ATF7: variants seen among roughly 807,000 people sequenced by gnomAD.
ATF7 encodes activating transcription factor 7.
In ATF7, 10 loss-of-function variants were observed where a neutral mutation model predicts 50.4. The ratio of observed to expected loss-of-function variants is 0.20; its 90% CI spans 0.12 to 0.34. The LOEUF (loss-of-function observed/expected upper bound fraction) is 0.34. Ranked by LOEUF, ATF7 falls within the 10% of genes least tolerant of loss-of-function variation. The probability of loss-of-function intolerance (pLI) is 1.00; values close to 1 mark genes in which losing one functional copy is unlikely to be tolerated. For synonymous variants in ATF7, 201 were observed against 226.4 expected, an observed-to-expected ratio of 0.89 and a Z score of 1.01; for missense variants, 465 against 613.9, an observed-to-expected ratio of 0.76 and a Z score of 2.56.
In ATF7 at chr12:53,534,615, G is replaced by C. The variant is rs1179904916; in HGVS notation, c.447C>G (p.Thr149=). 1 of 1,613,226 alleles carries C rather than the reference G, an allele frequency of 6.2e-7. No individual in the cohort carries two copies. The highest frequency in any genetic ancestry group is 1.3e-5 in the African/African-American group (1 of 74,882). ...KPVLISTPTP[T]IVRPGSLPLH... is the part of the protein sequence containing the mutation. Reference sequence around the variant, plus strand: ...GAGGCAGGGAGCCAGGACGTACAATGGTGGGTGTGGGGGTAGAGATCAGAA... The same window carrying C: ...GAGGCAGGGAGCCAGGACGTACAATCGTGGGTGTGGGGGTAGAGATCAGAA... The change falls in exon 6 of 12, where the codon ACC becomes ACG. Residue 149 remains threonine, a synonymous_variant. Coordinates refer to ENST00000420353, the MANE Select transcript of ATF7 (RefSeq NM_006856.3).
chr12:53,575,281 C>T (rs1221802343), intron 2 of ATF7, among the ~76,000 whole-genome samples: 1 of 152,168 alleles, frequency 6.6e-6, no homozygotes. Flanking sequence ...GTGGTGCACG[C>T]CTGTAATCCC....
intron 1 of ATF7, among the ~76,000 whole-genome samples, chr12:53,615,751 C>T (rs764681308): frequency 1.3e-5 from 2 of 151,960 alleles, no homozygotes; most frequent in East Asian, 1.9e-4. Flanking sequence ...AGGGGGTGTG[C>T]GTCTGTAGTC....
chr12:53,534,636 C>A lies in ATF7; in HGVS notation c.426G>T (p.Leu142=). ...CAATGGTGGGTGTGGGGGTAGAGAT[C>A]AGAACAGGCTTTGGGGTAACCTCCT... ...KEKEVTPKPV[L]ISTPTPTIVR... is the part of the protein sequence containing the mutation. Residue 142 remains leucine (L), a synonymous_variant, in exon 6 of 12, where the codon CTG becomes CTT. Coordinates refer to ENST00000420353, the MANE Select transcript of ATF7 (RefSeq NM_006856.3). 1 of 1,612,490 alleles carries A rather than the reference C, an allele frequency of 6.2e-7. No homozygotes were observed. The highest frequency in any genetic ancestry group is 8.5e-7 in the Non-Finnish European group (1 of 1,179,492).
At chr12:53,539,104 G>A (rs1480244459) in intron 4 of ATF7, among the ~76,000 whole-genome samples, 1 of 152,186 alleles carries the variant, frequency 6.6e-6, no homozygotes, top group Non-Finnish European at 1.5e-5. Context: ...CTCATTAAGG[G>A]GAAGTAAAGA....
At chr12:53,548,612 T>C (rs888061586) in intron 3 of ATF7, among the ~76,000 whole-genome samples, 1 of 152,170 alleles carries the variant, frequency 6.6e-6, no homozygotes, top group Non-Finnish European at 1.5e-5. Flanking sequence ...GGATTATAGG[T>C]GTCAGCCAGA....
chr12:53,587,366 C>CAAAAAAAA (rs55904354), intron 2 of ATF7, among the ~76,000 whole-genome samples: 35 of 62,292 alleles, frequency 5.6e-4, no homozygotes, highest in South Asian at 4.0e-3. Flanking sequence ...AATTCCGCAT[C>CAAAAAAAA]AAAAAAAAAA....
rs950092980 is a variant in ATF7, at chr12:53,559,143, G to A, written c.49-6506C>T. On this transcript the variant is annotated intron_variant, in intron 2 of 11. Transcript: ENST00000420353. ...ATTTAAAAAAAAAAAAAAAGGAATGGCCTGAAGAACACAGATGGTGGAAAC... is the reference window on the plus strand; with the variant it reads ...ATTTAAAAAAAAAAAAAAAGGAATGACCTGAAGAACACAGATGGTGGAAAC... 3.3e-5 allele frequency among the ~76,000 whole-genome samples: 5 copies of A among 151,858 alleles called. No homozygotes were observed. The South Asian group carries it at 1.0e-3, about 32-fold the overall frequency.
intron 2 of ATF7, among the ~76,000 whole-genome samples, chr12:53,586,980 G>A (rs1450943221): frequency 6.6e-6 from 1 of 152,172 alleles, no homozygotes; most frequent in Non-Finnish European, 1.5e-5. Flanking sequence ...GGTAAGAGGT[G>A]GAAAAGACAA....
At chr12:53,619,402 C>A (rs1175717931) in intron 1 of ATF7, among the ~76,000 whole-genome samples, 1 of 150,410 alleles carries the variant, frequency 6.6e-6, no homozygotes, top group African/African-American at 2.5e-5. Flanking sequence ...GGGGAGAACT[C>A]CTTGAACCCA....
At chr12:53,586,492 A>G (rs913365367) in intron 2 of ATF7, among the ~76,000 whole-genome samples, 1 of 152,130 alleles carries the variant, frequency 6.6e-6, no homozygotes, top group African/African-American at 2.4e-5. Context: ...AACTCCAGGT[A>G]TGTACTACAA....
chr12:53,587,504 T>C (rs926341218), intron 2 of ATF7, among the ~76,000 whole-genome samples: 6 of 150,654 alleles, frequency 4.0e-5, no homozygotes, highest in African/African-American at 1.5e-4. Context: ...TGAAACCCCA[T>C]CTCTACCAAA....
At chr12:53,533,305 C>T in intron 6 of ATF7, 46 bp from the exon 7 acceptor site, 2 of 1,448,008 alleles carry the variant, frequency 1.4e-6, no homozygotes, top group East Asian at 2.3e-5. Context: ...GACCTTTTGT[C>T]CATGGATCTT....
At chr12:53,582,774 A>G (rs1942498276) in intron 2 of ATF7, among the ~76,000 whole-genome samples, 1 of 151,960 alleles carries the variant, frequency 6.6e-6, no homozygotes, top group Non-Finnish European at 1.5e-5. Context: ...ATTAGTAGAG[A>G]CGGGATTTCA....
downstream of ATF7, among the ~76,000 whole-genome samples, chr12:53,511,167 G>C (rs1000415384): frequency 1.3e-5 from 2 of 152,020 alleles, no homozygotes; most frequent in African/African-American, 4.8e-5. Flanking sequence ...GGAATATACA[G>C]ATGCAATAAA....
intron 5 of ATF7, among the ~76,000 whole-genome samples, chr12:53,536,640 C>T (rs960380272): frequency 4.6e-5 from 7 of 151,666 alleles, no homozygotes; most frequent in Non-Finnish European, 8.8e-5. Context: ...GTAACCCTAG[C>T]ACTTTGGGAG....
chr12:53,559,206 A>G (rs1940933407), intron 2 of ATF7, among the ~76,000 whole-genome samples: 1 of 150,904 alleles, frequency 6.6e-6, no homozygotes, highest in Non-Finnish European at 1.5e-5. Context: ...TAAAGTCTTA[A>G]GATTTTTTTA....
intron 4 of ATF7, among the ~76,000 whole-genome samples, chr12:53,541,838 T>C (rs1229941517): frequency 6.6e-6 from 1 of 152,200 alleles, no homozygotes; most frequent in African/African-American, 2.4e-5. Flanking sequence ...TTTCTTGTTT[T>C]TGAGACAAAG....
chr12:53,531,740 T>C lies in ATF7; in HGVS notation c.927+4A>G, dbSNP rs920835910. Reference sequence around the variant, plus strand: ...ATATGACATAAAGAGTAAGAGCCACTGACCTGTGGCTGGGCAGGGGATGGG... The same window carrying C: ...ATATGACATAAAGAGTAAGAGCCACCGACCTGTGGCTGGGCAGGGGATGGG... On this transcript the variant is annotated splice_donor_region_variant and intron_variant, in intron 9 of 11. Coordinates refer to ENST00000420353, the MANE Select transcript of ATF7 (RefSeq NM_006856.3). 12 of 1,609,716 alleles carry C rather than the reference T, an allele frequency of 7.5e-6. No homozygotes were observed. Among genetic ancestry groups the C allele is most frequent in the Non-Finnish European group, 1.0e-5 (12 of 1,178,200 alleles).
intron 2 of ATF7, among the ~76,000 whole-genome samples, chr12:53,572,441 A>C (rs181896245): frequency 6.6e-6 from 1 of 152,192 alleles, no homozygotes; most frequent in African/African-American, 2.4e-5. Flanking sequence ...GAGAGTTAAA[A>C]ATGCCAGGGA....
Sources: gnomAD v4.1 joint callset for allele counts (sites outside exome capture counted in the v4.1 genomes callset) on GRCh38, gnomAD v4.1.1 for gene constraint, MANE v1.5 for transcripts, NCBI Gene and HGNC (gene_info 2026-07-23, HGNC 2026-07-21) for gene names.